Variants in CCSER1 observed in about 807,000 individuals in gnomAD.
CCSER1 encodes the protein coiled-coil serine rich protein 1.
In CCSER1, 41 loss-of-function variants were observed where a neutral mutation model predicts 82.0. The observed-to-expected ratio is 0.50, with a 90% CI of 0.39 to 0.65. CCSER1 has a LOEUF of 0.65. Ranked by LOEUF, CCSER1 falls within the 30% of genes least tolerant of loss-of-function variation. The probability of loss-of-function intolerance (pLI) is 0.00; values close to 1 mark genes in which losing one functional copy is unlikely to be tolerated. For missense variants in CCSER1, 1,119 were observed against 1,064.2 expected, an observed-to-expected ratio of 1.05 and a Z score of -0.72; for synonymous variants, 414 against 383.9, an observed-to-expected ratio of 1.08 and a Z score of -0.92.
At chr4:91,405,900 G>A (rs1053948089) in intron 10 of CCSER1, among the ~76,000 whole-genome samples, 6 of 152,136 alleles carry the variant, frequency 3.9e-5, no homozygotes, top group Non-Finnish European at 5.9e-5. Context: ...GCCCCAGTGA[G>A]ATGAACCTGG....
At chr4:90,649,014 G>A (rs780456160) in intron 6 of CCSER1, among the ~76,000 whole-genome samples, 35 of 152,272 alleles carry the variant, frequency 2.3e-4, no homozygotes, top group South Asian at 6.2e-4. Flanking sequence ...GATAAGGCTT[G>A]ACAGCTTTGC....
intron 10 of CCSER1, among the ~76,000 whole-genome samples, chr4:91,185,332 T>C (rs985502829): frequency 2.0e-5 from 3 of 152,228 alleles, no homozygotes; most frequent in African/African-American, 4.8e-5. Flanking sequence ...ACGATTTGAA[T>C]TTCCCCATTA....
intron 10 of CCSER1, among the ~76,000 whole-genome samples, chr4:91,406,443 A>G (rs1332187918): frequency 6.6e-6 from 1 of 152,104 alleles, no homozygotes; most frequent in Non-Finnish European, 1.5e-5. Flanking sequence ...TTATTTAGTA[A>G]TAGCCATCTT....
At chr4:90,184,542 T>C (rs911546522) in intron 1 of CCSER1, among the ~76,000 whole-genome samples, 4 of 152,118 alleles carry the variant, frequency 2.6e-5, no homozygotes, top group African/African-American at 9.7e-5. Context: ...AGACTGAACA[T>C]GTAGCAGTAT....
intron 10 of CCSER1, among the ~76,000 whole-genome samples, chr4:91,361,976 C>G (rs1013970670): frequency 6.6e-6 from 1 of 151,652 alleles, no homozygotes; most frequent in Non-Finnish European, 1.5e-5. Flanking sequence ...TACAAAAAAC[C>G]TCTCTGAGCA....
intron 1 of CCSER1, among the ~76,000 whole-genome samples, chr4:90,246,378 C>G (rs530997213): frequency 6.6e-6 from 1 of 152,012 alleles, no homozygotes; most frequent in East Asian, 1.9e-4. Context: ...ATTTTTAGTG[C>G]CTTGCTGACT....
At chr4:91,208,980 A>C (rs1736574817) in intron 10 of CCSER1, among the ~76,000 whole-genome samples, 1 of 151,606 alleles carries the variant, frequency 6.6e-6, no homozygotes, top group African/African-American at 2.4e-5. Context: ...TGGCAATTGT[A>C]ATGGAGTTGC....
At chr4:90,751,448 T>C (rs1748646852) in intron 7 of CCSER1, among the ~76,000 whole-genome samples, 1 of 152,080 alleles carries the variant, frequency 6.6e-6, no homozygotes, top group South Asian at 2.1e-4. Flanking sequence ...AATTTTGTCC[T>C]AACACTGTGT....
chr4:91,513,004 A>T (rs180785233), intron 10 of CCSER1, among the ~76,000 whole-genome samples: 1 of 152,046 alleles, frequency 6.6e-6, no homozygotes, highest in African/African-American at 2.4e-5. Context: ...GTATTGTGTT[A>T]AATAGGAGTG....
Position 90,969,780 on chromosome 4 carries a change from A to G in CCSER1, c.2172+46333A>G, listed in dbSNP as rs147241961. On this transcript the variant is annotated intron_variant, in intron 9 of 10. Transcript: ENST00000509176. ...TAAATATATAGTTAATGTCATAATT[A>G]TCTGATGCAGCAGTGGTAGTGTGTA... Among the ~76,000 whole-genome samples, 150 of 152,112 alleles carry G rather than the reference A, an allele frequency of 9.9e-4. 1 individual carries two copies. Among genetic ancestry groups the G allele is most frequent in the Non-Finnish European group, 2.0e-3 (138 of 67,934 alleles).
intron 1 of CCSER1, among the ~76,000 whole-genome samples, chr4:90,285,720 A>G (rs930610621): frequency 4.6e-5 from 7 of 151,920 alleles, no homozygotes; most frequent in African/African-American, 1.4e-4. Flanking sequence ...TCTTTTCTAT[A>G]TTATAGAGGA....
At chr4:90,333,511 G>A (rs1173424842) in intron 3 of CCSER1, among the ~76,000 whole-genome samples, 2 of 152,116 alleles carry the variant, frequency 1.3e-5, no homozygotes, top group East Asian at 3.8e-4. Flanking sequence ...AAATGCTATT[G>A]CCACTTGAAA....
intron 6 of CCSER1, among the ~76,000 whole-genome samples, chr4:90,638,053 C>G (rs1725749435): frequency 6.6e-6 from 1 of 152,214 alleles, no homozygotes. Context: ...CCTACTCTAA[C>G]TTGAAATAGG....
chr4:91,380,498 G>A (rs1404424625), intron 10 of CCSER1, among the ~76,000 whole-genome samples: 2 of 152,152 alleles, frequency 1.3e-5, no homozygotes, highest in Non-Finnish European at 2.9e-5. Context: ...TTACCGTTAT[G>A]TAATGTCCTT....
At chr4:91,237,296 C>T (rs1021757565) in intron 10 of CCSER1, among the ~76,000 whole-genome samples, 8 of 151,424 alleles carry the variant, frequency 5.3e-5, no homozygotes, top group African/African-American at 1.7e-4. Flanking sequence ...CTGTTATAAT[C>T]AGTGAAAGAA....
intron 3 of CCSER1, among the ~76,000 whole-genome samples, chr4:90,389,046 T>C (rs1050874793): frequency 2.0e-5 from 3 of 152,216 alleles, no homozygotes; most frequent in African/African-American, 7.2e-5. Context: ...AAAATATCCA[T>C]GCCACAAAAA....
At chr4:90,644,874 G>A (rs1727232641) in intron 6 of CCSER1, among the ~76,000 whole-genome samples, 1 of 151,652 alleles carries the variant, frequency 6.6e-6, no homozygotes, top group Non-Finnish European at 1.5e-5. Context: ...CTGTGGTCAG[G>A]AGTTCAAGAC....
At chr4:91,548,561 CA>C (rs1762002083) in intron 10 of CCSER1, among the ~76,000 whole-genome samples, 1 of 103,568 alleles carries the variant, frequency 9.7e-6, no homozygotes, top group African/African-American at 4.0e-5. Context: ...CAAATTCCTT[CA>C]ATTTTTTTTT....
chr4:91,276,215 A>T (rs550302897), intron 10 of CCSER1, among the ~76,000 whole-genome samples: 4 of 150,630 alleles, frequency 2.7e-5, no homozygotes, highest in African/African-American at 9.7e-5. Flanking sequence ...GTATTTTATT[A>T]AGGATTGCAC....
Sources: gnomAD v4.1 joint callset for allele counts (sites outside exome capture counted in the v4.1 genomes callset) on GRCh38, gnomAD v4.1.1 for gene constraint, MANE v1.5 for transcripts, NCBI Gene and HGNC (gene_info 2026-07-23, HGNC 2026-07-21) for gene names.